The following ME3 variants were observed in gnomAD, a reference collection of about 807,000 sequenced individuals.
ME3 encodes malic enzyme 3.
In ME3, 48 loss-of-function variants were observed where a neutral mutation model predicts 68.9. The ratio of observed to expected loss-of-function variants is 0.70; its 90% CI spans 0.55 to 0.89. The LOEUF (loss-of-function observed/expected upper bound fraction) is 0.89. Ranked by LOEUF, ME3 falls within the 40% of genes least tolerant of loss-of-function variation. The pLI is 0.00. For synonymous variants in ME3, 320 were observed against 318.8 expected, an observed-to-expected ratio of 1.00 and a Z score of -0.04; for missense variants, 675 against 797.4, an observed-to-expected ratio of 0.85 and a Z score of 1.85.
chr11:86,512,092 A>G (rs545109754), intron 4 of ME3, among the ~76,000 whole-genome samples: 1 of 152,264 alleles, frequency 6.6e-6, no homozygotes, highest in Admixed American at 6.5e-5. Flanking sequence ...CCTTGTGTTA[A>G]TTAAACCCTT....
intron 2 of ME3, among the ~76,000 whole-genome samples, chr11:86,565,523 G>A (rs559833033): frequency 6.6e-6 from 1 of 152,294 alleles, no homozygotes; most frequent in East Asian, 1.9e-4. Context: ...GTATATACAT[G>A]CAATGAAAAT....
intron 7 of ME3, among the ~76,000 whole-genome samples, chr11:86,467,121 C>T (rs1434303928): frequency 6.6e-6 from 1 of 152,200 alleles, no homozygotes. Flanking sequence ...TAACCACAAT[C>T]ATGCTAATTA....
intron 2 of ME3, chr11:86,668,188 A>G (rs1021082766): frequency 1.3e-5 from 2 of 152,128 alleles, no homozygotes; most frequent in East Asian, 3.9e-4. Context: ...GTCCACTTCT[A>G]TGACCAATGA....
intron 13 of ME3, 95 bp downstream of exon 13, chr11:86,446,219 A>T: frequency 2.1e-6 from 3 of 1,406,848 alleles, no homozygotes; most frequent in Non-Finnish European, 9.8e-7. Flanking sequence ...ATGTTGGGGC[A>T]GATGGGCAGA....
chr11:86,645,382 G>C (rs7104141), intron 2 of ME3, among the ~76,000 whole-genome samples: 67,231 of 152,036 alleles, frequency 0.44, 16,741 homozygotes, highest in Non-Finnish European at 0.57. Flanking sequence ...TGGGGGGAGG[G>C]GTGTCCACCA....
At chr11:86,564,915 G>A (rs1957405665) in intron 2 of ME3, among the ~76,000 whole-genome samples, 1 of 152,132 alleles carries the variant, frequency 6.6e-6, no homozygotes, top group Admixed American at 6.5e-5. Flanking sequence ...ACAATCTGTA[G>A]AATGGAATAA....
chr11:86,589,537 G>A (rs1958940604), intron 2 of ME3, among the ~76,000 whole-genome samples: 1 of 152,158 alleles, frequency 6.6e-6, no homozygotes, highest in Non-Finnish European at 1.5e-5. Context: ...AGGAAACAGA[G>A]GCCTGTCTTA....
intron 4 of ME3, among the ~76,000 whole-genome samples, chr11:86,534,615 C>A (rs951897385): frequency 6.6e-6 from 1 of 152,114 alleles, no homozygotes; most frequent in African/African-American, 2.4e-5. Context: ...GTGGAGGTTG[C>A]AGTGAGCCGA....
intron 7 of ME3, among the ~76,000 whole-genome samples, chr11:86,472,921 C>T (rs1203320541): frequency 2.6e-5 from 4 of 152,152 alleles, no homozygotes; most frequent in East Asian, 1.9e-4. Flanking sequence ...CTTGATAAGG[C>T]GGAGTTGGCA....
intron 7 of ME3, among the ~76,000 whole-genome samples, chr11:86,472,621 C>T (rs775610377): frequency 3.8e-4 from 58 of 152,316 alleles, no homozygotes; most frequent in Non-Finnish European, 5.9e-4. Context: ...ACTTACTAAA[C>T]GCATGACCTC....
intron 2 of ME3, among the ~76,000 whole-genome samples, chr11:86,602,354 G>A (rs11234716): frequency 0.36 from 54,313 of 149,774 alleles, 10,675 homozygotes; most frequent in East Asian, 0.55. Context: ...CCCATTCACA[G>A]TTGCTTCAAA....
At chr11:86,669,778 G>A (rs1946806441) in intron 2 of ME3, among the ~76,000 whole-genome samples, 1 of 151,994 alleles carries the variant, frequency 6.6e-6, no homozygotes, top group South Asian at 2.1e-4. Context: ...CAAACGACAG[G>A]GGCAAGAATG....
At chr11:86,524,567 C>A (rs922251035) in intron 4 of ME3, among the ~76,000 whole-genome samples, 1 of 152,320 alleles carries the variant, frequency 6.6e-6, no homozygotes, top group Admixed American at 6.5e-5. Context: ...ATTTATGAGG[C>A]AGTTCTATGG....
At chr11:86,666,957 A>T (rs1181464518) in intron 2 of ME3, among the ~76,000 whole-genome samples, 1 of 152,244 alleles carries the variant, frequency 6.6e-6, no homozygotes, top group Admixed American at 6.5e-5. Context: ...TACTTTATTC[A>T]AAGGCAAATC....
chr11:86,486,446 C>T (rs1951690872), intron 7 of ME3, among the ~76,000 whole-genome samples: 1 of 152,196 alleles, frequency 6.6e-6, no homozygotes, highest in Non-Finnish European at 1.5e-5. Flanking sequence ...AGTTTGCCCA[C>T]CCCTGAAGCC....
At chr11:86,564,462 GA>G (rs35429348) in intron 2 of ME3, among the ~76,000 whole-genome samples, 18,793 of 106,482 alleles carry the variant, frequency 0.18, 1,385 homozygotes, top group South Asian at 0.36. Context: ...AAAGCTACAG[GA>G]AAAAAAAAAA....
chr11:86,637,967 TACACACACACACACACAC>T (rs5793205), intron 2 of ME3, among the ~76,000 whole-genome samples: 51 of 145,162 alleles, frequency 3.5e-4, no homozygotes, highest in Admixed American at 8.8e-4. Context: ...TGCTCATGCA[TACACACACACACACACAC>T]ACACACACAC....
At chr11:86,658,914 C>G (rs760036092) in intron 2 of ME3, among the ~76,000 whole-genome samples, 2 of 152,200 alleles carry the variant, frequency 1.3e-5, no homozygotes, top group East Asian at 3.8e-4. Flanking sequence ...CATCTCTACT[C>G]CTGTTTCATC....
At chr11:86,604,496 A>C (rs1961315582) in intron 2 of ME3, among the ~76,000 whole-genome samples, 1 of 152,226 alleles carries the variant, frequency 6.6e-6, no homozygotes, top group South Asian at 2.1e-4. Context: ...ATTGCTCCCT[A>C]CATGTTATAA....
Sources: allele counts gnomAD v4.1 joint callset (sites outside exome capture counted in the v4.1 genomes callset), GRCh38; gene constraint gnomAD v4.1.1; transcripts MANE v1.5; gene names NCBI Gene and HGNC (gene_info 2026-07-23, HGNC 2026-07-21).